The following PLXND1 variants were observed in gnomAD, a reference collection of about 807,000 sequenced individuals.
PLXND1 encodes the protein plexin-D1.
PLXND1 carries 54 observed loss-of-function variants against 197.7 expected under a neutral mutation model. The observed-to-expected ratio is 0.27, with a 90% CI of 0.22 to 0.34. The LOEUF (loss-of-function observed/expected upper bound fraction) is 0.34, where lower values mean the gene tolerates loss of function less well. Among genes scored for constraint, PLXND1 ranks in the 10% least tolerant of loss-of-function variants. The pLI is 1.00. For missense variants in PLXND1, 2,127 were observed against 2,699.2 expected (o/e 0.79, Z 4.70); for synonymous variants, 1,180 against 1,161.2 (o/e 1.02, Z -0.33).
rs982650757 is a variant in PLXND1, at chr3:129,577,358, C to G, written c.2346+971G>C. Reference sequence around the variant, plus strand: ...CGGCAGGACTCAAGTCAGGCTCACACCTCCCCATCCCAGGCGCCCACGGCC... The same window carrying G: ...CGGCAGGACTCAAGTCAGGCTCACAGCTCCCCATCCCAGGCGCCCACGGCC... On this transcript the variant is annotated intron_variant, in intron 9 of 35. Transcript: ENST00000324093. This position sits in a 1 kb window ranked among gnomAD's most constrained non-coding sequence, Gnocchi z 5.0. Among the ~76,000 whole-genome samples the G allele has an allele frequency of 2.0e-5, 3 of 152,212 alleles. No homozygotes were observed. Among genetic ancestry groups the G allele is most frequent in the Non-Finnish European group, 4.4e-5 (3 of 68,030 alleles).
At chr3:129,569,753 C>G in intron 20 of PLXND1, 90 bp downstream of exon 20, 1 of 749,510 alleles carries the variant, frequency 1.3e-6, no homozygotes, top group Non-Finnish European at 2.4e-6. Context: ...CCCATCCCAT[C>G]CTGCCTTCTC....
chr3:129,585,822 T>C (rs1371900966), intron 5 of PLXND1, 130 bp downstream of exon 5: 1 of 1,252,116 alleles, frequency 8.0e-7, no homozygotes, highest in African/African-American at 1.5e-5. Context: ...TCATTGTCAC[T>C]GTTCTCATTA....
chr3:129,572,594 G>C lies in PLXND1; in HGVS notation c.3077+15C>G. ...TCTCTGGGCTGGAAGGGATGGGCCA[G>C]GCCCAGAGGCTTACATCAGCTCCGT... On this transcript the variant is annotated intron_variant, in intron 15 of 35. Transcript: ENST00000324093. 1.3e-6 allele frequency: 2 copies of C among 1,500,404 alleles called. No homozygotes were observed. Among genetic ancestry groups the C allele is most frequent in the Non-Finnish European group, 1.8e-6 (2 of 1,124,620 alleles). 92.9% of individuals were successfully genotyped at this position (1,500,404 alleles called of 1,614,324 possible).
chr3:129,595,970 C>T (rs1007055712), intron 1 of PLXND1, among the ~76,000 whole-genome samples: 3 of 148,666 alleles, frequency 2.0e-5, no homozygotes, highest in Non-Finnish European at 4.5e-5. Flanking sequence ...ACCCATTTTA[C>T]AGATGAGAAA....
intron 35 of PLXND1, 49 bp from the exon 36 acceptor site, chr3:129,556,477 C>T (rs773198883): frequency 1.3e-6 from 2 of 1,492,364 alleles, no homozygotes. Context: ...AGCCCTGCCT[C>T]AGTTCGTGGG....
intron 1 of PLXND1, among the ~76,000 whole-genome samples, chr3:129,589,981 G>A (rs922874718): frequency 6.6e-6 from 1 of 152,134 alleles, no homozygotes; most frequent in Admixed American, 6.5e-5. Flanking sequence ...TGCCTCGGCT[G>A]TTTTCCTACA....
chr3:129,596,908 G>C (rs931059640), intron 1 of PLXND1, among the ~76,000 whole-genome samples: 2 of 152,186 alleles, frequency 1.3e-5, no homozygotes, highest in African/African-American at 2.4e-5. Flanking sequence ...CATGAGCTGG[G>C]GACACAGAGG....
intron 1 of PLXND1, among the ~76,000 whole-genome samples, chr3:129,602,823 T>C (rs1287401692): frequency 1.3e-5 from 2 of 152,144 alleles, no homozygotes; most frequent in African/African-American, 2.4e-5. Flanking sequence ...CATTTATCGA[T>C]TCATCTAGTC....
rs948179840 is a variant in PLXND1 at position 129,562,874 on chromosome 3, G to C, written c.4738C>G (p.Leu1580Val). 4.3e-6 allele frequency: 7 copies of C among 1,612,060 alleles called. No individual in the cohort carries two copies. Among genetic ancestry groups the C allele is most frequent in the Non-Finnish European group, 5.9e-6 (7 of 1,178,370 alleles). Reference protein sequence around the residue: ...LSVRAMDTDTLTQVKEKILEA... With the variant: ...LSVRAMDTDTVTQVKEKILEA... ...AGGATCTTCTCCTTGACCTGTGTCA[G>C]CGTGTCGGTGTCCATGGCCCGCACG... Residue 1580 changes from leucine to valine, a missense_variant, in exon 27 of 36, where the codon CTG becomes GTG. Physicochemically the swap from Leu to Val is conservative, Grantham distance 32. This residue lies in a region of PLXND1 where 532 missense variants were observed against 811.0 expected (regional missense o/e 0.66). Transcript: ENST00000324093.
In PLXND1 at chr3:129,565,975, A is replaced by C. The variant is rs2625973; in HGVS notation, c.4234T>G (p.Leu1412Val). The C allele has an allele frequency of 0.26, 420,949 of 1,613,434 alleles. 57,943 individuals carry two copies. Among genetic ancestry groups the C allele is most frequent in the Middle Eastern group, 0.29 (1,732 of 6,060 alleles). The change falls in exon 24 of 36, where the codon TTG becomes GTG. Residue 1412 changes from leucine (L) to valine (V), a missense_variant. By Grantham distance (32) the Leu-to-Val change is conservative. Around this residue, in one of 6 missense-constraint regions of PLXND1, gnomAD observed 532 missense variants for 811.0 expected, o/e 0.66. Transcript: ENST00000324093. ...CRPNMEEGISLFSSLLNNKHF... is the reference protein window; with the variant it reads ...CRPNMEEGISVFSSLLNNKHF... ...TTGTTGTTGAGTAGTGAGGAGAACAAGCTAATTCCCTCTTCCATGTTGGGC... is the reference window on the plus strand; with the variant it reads ...TTGTTGTTGAGTAGTGAGGAGAACACGCTAATTCCCTCTTCCATGTTGGGC...
Position 129,561,854 on chromosome 3 carries a change from G to A in PLXND1, c.4875C>T (p.Asp1625=). 5 of 1,614,056 alleles carry A rather than the reference G, an allele frequency of 3.1e-6. No homozygotes were observed. The highest frequency in any genetic ancestry group is 4.2e-6 in the Non-Finnish European group (5 of 1,179,960). The change falls in exon 28 of 36, where the codon GAC becomes GAT. Residue 1625 remains aspartate (D), a synonymous_variant. Transcript: ENST00000324093. ...TQSYILRDLD[D]TSVVEDGRKK... ...TGCGGCCGTCTTCCACCACTGAGGT[G>A]TCGTCCAGGTCCCGAAGGATGTAGC... is the stretch of plus-strand genomic sequence containing the variant.
intron 8 of PLXND1, 37 bp from the exon 9 acceptor site, chr3:129,578,470 C>A: frequency 7.6e-7 from 1 of 1,316,412 alleles, no homozygotes; most frequent in African/African-American, 1.4e-5. Flanking sequence ...GACACAGGGG[C>A]ATTTCAGAGA....
intron 11 of PLXND1, 70 bp downstream of exon 11, chr3:129,575,399 T>C: frequency 1.1e-6 from 1 of 931,736 alleles, no homozygotes; most frequent in Non-Finnish European, 1.7e-6. Flanking sequence ...CTGGAATGAG[T>C]CGCACAAGGC....
Position 129,572,746 on chromosome 3 carries a change from C to A in PLXND1, c.2940G>T (p.Leu980=). Residue 980 remains leucine, a splice_region_variant and synonymous_variant, in exon 15 of 36, where the codon CTG becomes CTT. Transcript: ENST00000324093. The part of the protein sequence containing the change: ...GKSRDRFSYV[L]PLVHSLEPTM... ...TAGGCTCCAGGGAGTGGACCAGGGG[C>A]AGCTGTGGGAGGAAGGCAGGCGTTT... 6.3e-7 allele frequency: 1 copy of A among 1,598,316 alleles called. No homozygotes were observed. The highest frequency in any genetic ancestry group is 1.7e-5 in the Admixed American group (1 of 58,876).
intron 32 of PLXND1, 35 bp downstream of exon 32, chr3:129,559,585 C>A (rs370941793): frequency 6.5e-7 from 1 of 1,539,694 alleles, no homozygotes; most frequent in Non-Finnish European, 8.8e-7. Context: ...GCCCCAGTGG[C>A]ACAGTGAAGT....
At chr3:129,565,595 C>T (rs2108768960) in intron 24 of PLXND1, 57 bp from the exon 25 acceptor site, 4 of 1,451,260 alleles carry the variant, frequency 2.8e-6, no homozygotes, top group East Asian at 4.7e-5. Context: ...CTGTGGGTCC[C>T]AGGGTCTCAG....
chr3:129,571,525 A>G lies in PLXND1; in HGVS notation c.3320T>C (p.Ile1107Thr). ...VQNVSMAVHH[I>T]GREPTLCKVL... ...ATGCCTCACCGTGGGCTCCCGGCCAATGTGGTGGACGGCCATGGACACATT... is the reference window on the plus strand; with the variant it reads ...ATGCCTCACCGTGGGCTCCCGGCCAGTGTGGTGGACGGCCATGGACACATT... Residue 1107 changes from isoleucine (I) to threonine (T), a missense_variant, in exon 17 of 36, where the codon ATT becomes ACT. Ile to Thr is a moderately conservative substitution (Grantham distance 89, BLOSUM62 -1). Coordinates refer to ENST00000324093, the MANE Select transcript of PLXND1 (RefSeq NM_015103.3). 6.2e-7 allele frequency: 1 copy of G among 1,613,572 alleles called. No homozygotes were observed. The highest frequency in any genetic ancestry group is 8.5e-7 in the Non-Finnish European group (1 of 1,179,910).
rs1193998857 is a variant in PLXND1 at position 129,569,929 on chromosome 3, A to G, written c.3779T>C (p.Ile1260Thr). The G allele has an allele frequency of 1.9e-6, 3 of 1,612,568 alleles. No individual in the cohort carries two copies. The highest frequency in any genetic ancestry group is 2.7e-5 in the African/African-American group (2 of 74,872). Residue 1260 changes from isoleucine (I) to threonine (T), a missense_variant, in exon 20 of 36, where the codon ATC becomes ACC. By Grantham distance (89) the Ile-to-Thr change is moderately conservative. Coordinates refer to ENST00000324093, the MANE Select transcript of PLXND1 (RefSeq NM_015103.3). ...GCTGCCCCCCAGCTGCAGTGTGGCGATGGTCTGGTTGAAGTTCCCTACCTG... is the reference window on the plus strand; with the variant it reads ...GCTGCCCCCCAGCTGCAGTGTGGCGGTGGTCTGGTTGAAGTTCCCTACCTG... ...TIQVGNFNQT[I>T]ATLQLGGSET... is the part of the protein sequence containing the mutation.
chr3:129,606,419 G>A lies in PLXND1; in HGVS notation c.221C>T (p.Ala74Val). ...LDGAAGTVYL[A>V]AVNRLYQLSG... ...CAGCTGATAGAGGCGGTTGACGGCC[G>A]CCAGGTACACGGTCCCCGCCGCGCC... Residue 74 changes from alanine to valine, a missense_variant, in exon 1 of 36, where the codon GCG becomes GTG. Ala to Val is a moderately conservative substitution (Grantham distance 64). Transcript: ENST00000324093. 1 of 1,474,390 alleles carries A rather than the reference G, an allele frequency of 6.8e-7. No homozygotes were observed. Among genetic ancestry groups the A allele is most frequent in the South Asian group, 1.3e-5 (1 of 74,754 alleles). The allele number at this position is 1,474,390 out of a possible 1,614,324, so 91.3% of individuals were successfully genotyped here. A position where few individuals can be genotyped will look rare whatever the true frequency, so the allele number is the denominator to read the frequency against.
Sources: allele counts gnomAD v4.1 joint callset (sites outside exome capture counted in the v4.1 genomes callset), GRCh38; gene constraint gnomAD v4.1.1; regional missense constraint gnomAD v4.1.1; non-coding constraint Gnocchi (gnomAD v3.1); transcripts MANE v1.5; gene names NCBI Gene and HGNC (gene_info 2026-07-23, HGNC 2026-07-21).